The following SARDH variants were observed in gnomAD, a reference collection of about 807,000 sequenced individuals.
SARDH encodes sarcosine dehydrogenase, also known as sarcosine dehydrogenase, mitochondrial.
In SARDH, 95 loss-of-function variants were observed where a neutral mutation model predicts 109.1. The observed-to-expected ratio is 0.87, with a 90% CI of 0.74 to 1.03. SARDH has a LOEUF of 1.03. Ranked by LOEUF, SARDH falls within the 50% of genes least tolerant of loss-of-function variation. The pLI is 0.00. For synonymous variants in SARDH, 572 were observed against 534.8 expected, an observed-to-expected ratio of 1.07 and a Z score of -0.96; for missense variants, 1,267 against 1,287.8, an observed-to-expected ratio of 0.98 and a Z score of 0.25.
chr9:133,716,902 A>G (rs1832143719), intron 8 of SARDH, among the ~76,000 whole-genome samples: 1 of 143,380 alleles, frequency 7.0e-6, no homozygotes, highest in South Asian at 2.2e-4. Flanking sequence ...TCACAGCTGT[A>G]TAAGCCTCTC....
chr9:133,702,849 C>T (rs1432220323), intron 13 of SARDH, 67 bp downstream of exon 13: 2 of 1,457,674 alleles, frequency 1.4e-6, no homozygotes, highest in Non-Finnish European at 9.5e-7. Flanking sequence ...AGCCGAGGGC[C>T]GGCGCAATGG....
chr9:133,696,499 C>T lies in SARDH; in HGVS notation c.1669-138G>A, dbSNP rs1255645911. 4 of 1,036,414 alleles carry T rather than the reference C, an allele frequency of 3.9e-6. No homozygotes were observed. In the Admixed American group the frequency reaches 8.3e-5, roughly 22 times the overall value. 64.2% of individuals were successfully genotyped at this position (1,036,414 alleles called of 1,614,324 possible). On this transcript the variant is annotated intron_variant, in intron 13 of 20. Coordinates refer to ENST00000439388, the MANE Select transcript of SARDH (RefSeq NM_001134707.2). ...CCCTCTCTTCCAGCCCGCACCAAGCCCTTCTCAGCTCAGGTGCACACTGTG... is the reference window on the plus strand; with the variant it reads ...CCCTCTCTTCCAGCCCGCACCAAGCTCTTCTCAGCTCAGGTGCACACTGTG...
chr9:133,731,403 C>G lies in SARDH; in HGVS notation c.592G>C (p.Asp198His), dbSNP rs915539741. ...KTLYPLMNVD[D>H]LYGTLYVPHD... ...GGCACATACAGGGTCCCGTAGAGGT[C>G]GTCCACATTCATCAGCGGGTACAGA... The change falls in exon 4 of 21, where the codon GAC becomes CAC. Residue 198 changes from aspartate (D) to histidine (H), a missense_variant. Physicochemically the swap from Asp to His is moderately conservative, Grantham distance 81. Coordinates refer to ENST00000439388, the MANE Select transcript of SARDH (RefSeq NM_001134707.2). 22 of 1,614,176 alleles carry G rather than the reference C, an allele frequency of 1.4e-5. No homozygotes were observed. Among genetic ancestry groups the G allele is most frequent in the Non-Finnish European group, 1.7e-5 (20 of 1,180,036 alleles).
intron 6 of SARDH, among the ~76,000 whole-genome samples, chr9:133,726,456 A>T (rs1832495534): frequency 6.6e-6 from 1 of 151,692 alleles, no homozygotes; most frequent in Admixed American, 6.6e-5. Flanking sequence ...TCTAAAAACA[A>T]AGCCAGCCCC....
chr9:133,710,411 C>A lies in SARDH; in HGVS notation c.1329-1983G>T, dbSNP rs200087566. ...CCTGGTGCCCGGTCAGCCCTGGGAC[C>A]CTCACGCGCAGCCCGGAGCCCAGAC... is the stretch of plus-strand genomic sequence containing the variant. On this transcript the variant is annotated intron_variant, in intron 10 of 20. Transcript: ENST00000439388. Among the ~76,000 whole-genome samples the A allele has an allele frequency of 3.2e-4, 49 of 152,362 alleles. No homozygotes were observed. In the East Asian group the frequency reaches 3.7e-3, roughly 11 times the overall value.
rs1832673106 is a variant in SARDH, at chr9:133,731,334, C to A, written c.661G>T (p.Ala221Ser). ...MDPAGTCTTL[A>S]RAASARGAQV... The stretch of plus-strand genomic sequence containing the variant: ...GCTCCTCGGGCAGAAGCTGCCCTGG[C>A]GAGGGTGGTACAGGTGCCAGCGGGG... The change falls in exon 4 of 21, where the codon GCC becomes TCC. Residue 221 changes from alanine to serine, a missense_variant. Coordinates refer to ENST00000439388, the MANE Select transcript of SARDH (RefSeq NM_001134707.2). 1 of 1,614,014 alleles carries A rather than the reference C, an allele frequency of 6.2e-7. No individual in the cohort carries two copies. The highest frequency in any genetic ancestry group is 1.3e-5 in the African/African-American group (1 of 74,924).
At chr9:133,734,400 T>TTCATTCATTCACTCATTCATTCATTCAC (rs1832804159) in intron 1 of SARDH, among the ~76,000 whole-genome samples, 197 bp from the exon 2 acceptor site, 1 of 131,862 alleles carries the variant, frequency 7.6e-6, no homozygotes, top group African/African-American at 3.1e-5. Flanking sequence ...CATTCACTCA[T>TTCATTCATTCACTCATTCATTCATTCAC]TCATTCACTC....
intron 10 of SARDH, among the ~76,000 whole-genome samples, chr9:133,711,173 G>A (rs966616332): frequency 1.1e-4 from 17 of 152,238 alleles, no homozygotes; most frequent in African/African-American, 3.9e-4. Context: ...TGCTGAGTGC[G>A]GGACTAGGCC....
chr9:133,719,658 G>A (rs1035362885), intron 6 of SARDH, among the ~76,000 whole-genome samples: 1 of 117,670 alleles, frequency 8.5e-6, no homozygotes, highest in African/African-American at 3.3e-5. Flanking sequence ...GGAGCAGATT[G>A]GAGACTCTTC....
intron 17 of SARDH, among the ~76,000 whole-genome samples, chr9:133,684,143 C>T (rs938112418): frequency 6.6e-6 from 1 of 152,248 alleles, no homozygotes; most frequent in African/African-American, 2.4e-5. Flanking sequence ...CACTGAGGTT[C>T]TCAATGGGCG....
At chr9:133,732,635 G>A in intron 2 of SARDH, 34 bp from the exon 3 acceptor site, 1 of 1,568,848 alleles carries the variant, frequency 6.4e-7, no homozygotes, top group Non-Finnish European at 8.6e-7. Flanking sequence ...CACTCCCCAG[G>A]GAGTGGACTG....
At position 133,694,185 on chromosome 9, in the gene SARDH, T is replaced by C. The variant is rs577204923; in HGVS notation, c.1921+73A>G. 3.0e-5 allele frequency: 35 copies of C among 1,152,556 alleles called. No individual in the cohort carries two copies. The Admixed American group carries it at 6.7e-4, about 22-fold the overall frequency. The allele number at this position is 1,152,556 out of a possible 1,614,324, so 71.4% of individuals were successfully genotyped here. A position where few individuals can be genotyped will look rare whatever the true frequency, so the allele number is the denominator to read the frequency against. ...CGTCAGCAGCCCATCCCGTCCATCCTGCCCTGTCCACAACCACCAGTCCAC... is the reference window on the plus strand; with the variant it reads ...CGTCAGCAGCCCATCCCGTCCATCCCGCCCTGTCCACAACCACCAGTCCAC... On this transcript the variant is annotated intron_variant, in intron 15 of 20. Transcript: ENST00000439388.
chr9:133,672,858 G>A (rs1830395715), intron 17 of SARDH, among the ~76,000 whole-genome samples: 1 of 152,248 alleles, frequency 6.6e-6, no homozygotes, highest in Non-Finnish European at 1.5e-5. Flanking sequence ...GCGTTGGGCA[G>A]CGGACATGGT....
intron 16 of SARDH, 49 bp downstream of exon 16, chr9:133,690,331 G>A (rs773267528): frequency 1.3e-6 from 2 of 1,585,018 alleles, no homozygotes; most frequent in South Asian, 2.2e-5. Flanking sequence ...GGAGGACCTG[G>A]GTCCAGGCAG....
chr9:133,661,974 G>A (rs190054585), downstream of SARDH, among the ~76,000 whole-genome samples: 111 of 152,300 alleles, frequency 7.3e-4, no homozygotes, highest in African/African-American at 2.5e-3. Flanking sequence ...GTCCCCGGGC[G>A]GTGCACTTGG....
upstream of SARDH, among the ~76,000 whole-genome samples, chr9:133,739,279 G>T (rs992150782): frequency 7.2e-5 from 11 of 152,324 alleles, no homozygotes; most frequent in African/African-American, 2.4e-4. Context: ...GCCAATACCG[G>T]AAGCGATCGT....
intron 13 of SARDH, among the ~76,000 whole-genome samples, chr9:133,697,986 A>G (rs1831342919): frequency 6.9e-6 from 1 of 145,430 alleles, no homozygotes; most frequent in Non-Finnish European, 1.5e-5. Context: ...TATCTTGTAT[A>G]TAGGAAATCC....
chr9:133,696,353 C>T lies in SARDH; in HGVS notation c.1677G>A (p.Lys559=). ...CGGCCCCTCTGCAGGCCAGGCACTC[C>T]TTCTTGATCTGAAAAGTTCCAGACA... The part of the protein sequence containing the change: ...AFPPHHDTIK[K]ECLACRGAAA... Residue 559 remains lysine (K), a synonymous_variant, in exon 14 of 21, where the codon AAG becomes AAA. Transcript: ENST00000439388. 1 of 1,613,956 alleles carries T rather than the reference C, an allele frequency of 6.2e-7. No individual in the cohort carries two copies.
intron 10 of SARDH, among the ~76,000 whole-genome samples, chr9:133,710,857 C>T (rs981769188): frequency 1.3e-4 from 20 of 152,368 alleles, no homozygotes; most frequent in Admixed American, 2.6e-4. Context: ...GGGCTGAGGA[C>T]GGCATTAGCC....
Sources: gnomAD v4.1 joint callset for allele counts (sites outside exome capture counted in the v4.1 genomes callset) on GRCh38, gnomAD v4.1.1 for gene constraint, MANE v1.5 for transcripts, NCBI Gene and HGNC (gene_info 2026-07-23, HGNC 2026-07-21) for gene names.